Variants in ITPK1 observed in about 807,000 individuals in gnomAD.
ITPK1 encodes the protein inositol 1,3,4-trisphosphate 5/6-kinase.
Under a neutral mutation model 45.3 loss-of-function variants are expected in ITPK1, and 21 were observed. The ratio of observed to expected loss-of-function variants is 0.46; its 90% CI spans 0.33 to 0.67. ITPK1 has a LOEUF of 0.67. ITPK1 is among the 30% of genes least tolerant of loss of function. The pLI, the probability that ITPK1 is intolerant of heterozygous loss-of-function variation, is 0.02. For synonymous variants in ITPK1, 258 were observed against 253.6 expected (o/e 1.02, Z -0.16); for missense variants, 474 against 573.5 (o/e 0.83, Z 1.77).
intron 2 of ITPK1, among the ~76,000 whole-genome samples, chr14:93,090,095 C>A (rs1595206330): frequency 6.6e-6 from 1 of 152,210 alleles, no homozygotes; most frequent in East Asian, 1.9e-4. Flanking sequence ...CATCACCCCC[C>A]AGCCCCTGCC....
rs552548915 is a variant in ITPK1 at position 93,030,765 on chromosome 14, C to T, written c.121-13964G>A. Among the ~76,000 whole-genome samples the T allele has an allele frequency of 3.9e-5, 6 of 152,320 alleles. No individual in the cohort carries two copies. In the East Asian group the frequency reaches 7.7e-4, roughly 20 times the overall value. ...AGTCCTAACCCCTAGTACCTCAGAA[C>T]GTGACCTGGTTAGGAAATGGGGTCT... On this transcript the variant is annotated intron_variant, in intron 3 of 10. Transcript: ENST00000267615.
intron 2 of ITPK1, among the ~76,000 whole-genome samples, chr14:93,107,481 A>G (rs1486979004): frequency 1.3e-5 from 2 of 152,194 alleles, no homozygotes; most frequent in African/African-American, 4.8e-5. Context: ...GTTTGGAACG[A>G]AGACATCTCC....
In ITPK1 at chr14:92,938,402, G is replaced by A; in HGVS notation, c.*3159C>T. On this transcript the variant is annotated 3_prime_UTR_variant, in exon 11 of 11. Transcript: ENST00000267615. ...GGCTAGAAGGACAAACGACAGGCTGGCTCCCTTGGTCTTGGGGTGGCTGTC... is the reference window on the plus strand; with the variant it reads ...GGCTAGAAGGACAAACGACAGGCTGACTCCCTTGGTCTTGGGGTGGCTGTC... The A allele has an allele frequency of 9.3e-7, 1 of 1,080,902 alleles. No homozygotes were observed. The highest frequency in any genetic ancestry group is 1.7e-5 in the Admixed American group (1 of 57,904). The allele number at this position is 1,080,902 out of a possible 1,614,324, so 67.0% of individuals were successfully genotyped here.
At chr14:93,110,798 G>C (rs945432578) in intron 2 of ITPK1, among the ~76,000 whole-genome samples, 1 of 152,156 alleles carries the variant, frequency 6.6e-6, no homozygotes, top group Non-Finnish European at 1.5e-5. Flanking sequence ...CAAGTCTCTG[G>C]AGGATGAGAA....
intron 2 of ITPK1, among the ~76,000 whole-genome samples, chr14:93,091,569 G>A (rs1198490959): frequency 6.6e-6 from 1 of 152,214 alleles, no homozygotes; most frequent in Non-Finnish European, 1.5e-5. Flanking sequence ...TGCCTCCTAC[G>A]CCGAGTGCTG....
intron 9 of ITPK1, among the ~76,000 whole-genome samples, chr14:92,948,786 ACGCCCGGGCGC>A (rs1224478677): frequency 2.9e-5 from 4 of 138,216 alleles, no homozygotes; most frequent in Non-Finnish European, 6.2e-5. Flanking sequence ...GCAGGGACCC[ACGCCCGGGCGC>A]CGCCCACGCT....
At chr14:93,090,145 G>A (rs951051299) in intron 2 of ITPK1, among the ~76,000 whole-genome samples, 1 of 151,074 alleles carries the variant, frequency 6.6e-6, no homozygotes, top group Admixed American at 6.6e-5. Context: ...CCACCACTTG[G>A]GCCTCTGCAG....
chr14:92,965,134 C>G (rs767789167), intron 5 of ITPK1, among the ~76,000 whole-genome samples: 1 of 152,152 alleles, frequency 6.6e-6, no homozygotes, highest in Non-Finnish European at 1.5e-5. Context: ...AGAAAAAGTG[C>G]CCATGGAGCT....
rs1184189622 is a variant in ITPK1 at position 92,941,218 on chromosome 14, A to G, written c.*343T>C. 1.5e-5 allele frequency: 20 copies of G among 1,295,208 alleles called. No homozygotes were observed. The East Asian group carries it at 6.7e-4, about 43-fold the overall frequency. The allele number at this position is 1,295,208 out of a possible 1,614,324, so 80.2% of individuals were successfully genotyped here. On this transcript the variant is annotated 3_prime_UTR_variant, in exon 11 of 11. Transcript: ENST00000267615. ...CCACAGTGGCCATGGAGACCAACAG[A>G]CAGGGATGTGCACAGACACTGGCAT...
At chr14:93,080,159 G>A (rs1891381126) in intron 2 of ITPK1, among the ~76,000 whole-genome samples, 1 of 152,208 alleles carries the variant, frequency 6.6e-6, no homozygotes, top group Non-Finnish European at 1.5e-5. Context: ...CCTGTGTGCT[G>A]TAGATAATTA....
chr14:93,061,784 A>G (rs1890535227), intron 3 of ITPK1, among the ~76,000 whole-genome samples: 1 of 152,248 alleles, frequency 6.6e-6, no homozygotes, highest in South Asian at 2.1e-4. Flanking sequence ...GTTTATCACA[A>G]TACTATTTAT....
In ITPK1 at chr14:92,958,744, G is replaced by A. The variant is rs1314773177; in HGVS notation, c.505-378C>T. On this transcript the variant is annotated intron_variant, in intron 7 of 10. Coordinates refer to ENST00000267615, the MANE Select transcript of ITPK1 (RefSeq NM_014216.6). The surrounding 1 kb of genome is among the most constrained non-coding windows in gnomAD (Gnocchi z 4.4). ...CCTAAAGGATCCTCCACAAAGACCC[G>A]GGAGGAGGAAGGAAGCAGATGACTC... Among the ~76,000 whole-genome samples the A allele has an allele frequency of 6.6e-6, 1 of 152,172 alleles. No individual in the cohort carries two copies. Among genetic ancestry groups the A allele is most frequent in the African/African-American group, 2.4e-5 (1 of 41,416 alleles).
chr14:93,005,248 A>G (rs916964632), intron 4 of ITPK1, among the ~76,000 whole-genome samples: 2 of 152,126 alleles, frequency 1.3e-5, no homozygotes, highest in African/African-American at 2.4e-5. Flanking sequence ...TTCATCTTTT[A>G]TACAGTGATC....
chr14:92,989,047 C>A (rs1166407351), intron 5 of ITPK1, among the ~76,000 whole-genome samples: 1 of 152,082 alleles, frequency 6.6e-6, no homozygotes, highest in Non-Finnish European at 1.5e-5. Flanking sequence ...CCAGTTCCTG[C>A]CTCTGGGAGC....
chr14:93,036,640 C>T lies in ITPK1; in HGVS notation c.121-19839G>A, dbSNP rs558760574. On this transcript the variant is annotated intron_variant, in intron 3 of 10. Coordinates refer to ENST00000267615, the MANE Select transcript of ITPK1 (RefSeq NM_014216.6). The surrounding 1 kb of genome is among the most constrained non-coding windows in gnomAD (Gnocchi z 4.1). ...TCACCAGGCTCAGCACCCCAGGGGC[C>T]GGGTGAGGGCTCTCCCCCAGGAACA... Among the ~76,000 whole-genome samples the T allele has an allele frequency of 1.1e-4, 17 of 152,098 alleles. No individual in the cohort carries two copies. The highest frequency in any genetic ancestry group is 3.4e-4 in the African/African-American group (14 of 41,482).
chr14:93,098,622 T>C (rs1027909169), intron 2 of ITPK1, among the ~76,000 whole-genome samples: 10 of 152,122 alleles, frequency 6.6e-5, no homozygotes, highest in African/African-American at 2.4e-4. Flanking sequence ...CCCAGAGCCT[T>C]TGAGCTGAGG....
Position 93,076,103 on chromosome 14 carries a change from C to T in ITPK1, c.120+492G>A, listed in dbSNP as rs1262379137. Among the ~76,000 whole-genome samples, 1 of 151,754 alleles carries T rather than the reference C, an allele frequency of 6.6e-6. No homozygotes were observed. Among genetic ancestry groups the T allele is most frequent in the Non-Finnish European group, 1.5e-5 (1 of 67,902 alleles). On this transcript the variant is annotated intron_variant, in intron 3 of 10. Transcript: ENST00000267615. The surrounding 1 kb of genome is among the most constrained non-coding windows in gnomAD (Gnocchi z 4.3). ...CATCCATCCTTCCTTCTCCCTCCAT[C>T]CTTCCTTCTCCCTCCATCTGTCCAC...
chr14:92,989,806 T>C (rs879641390), intron 5 of ITPK1, among the ~76,000 whole-genome samples: 3 of 152,072 alleles, frequency 2.0e-5, no homozygotes, highest in Non-Finnish European at 4.4e-5. Context: ...GGGAGGGACA[T>C]GGGTATGGGT....
chr14:92,995,692 G>A (rs1775826223), intron 4 of ITPK1, among the ~76,000 whole-genome samples: 1 of 152,202 alleles, frequency 6.6e-6, no homozygotes, highest in Non-Finnish European at 1.5e-5. Flanking sequence ...CTAGATGCGG[G>A]GCAGAACCCT....
Sources: gnomAD v4.1 joint callset for allele counts (sites outside exome capture counted in the v4.1 genomes callset) on GRCh38, gnomAD v4.1.1 for gene constraint, Gnocchi (gnomAD v3.1) non-coding constraint, MANE v1.5 for transcripts, NCBI Gene and HGNC (gene_info 2026-07-23, HGNC 2026-07-21) for gene names.